The following PREX2 variants were observed in gnomAD, a reference collection of about 807,000 sequenced individuals.
PREX2 encodes phosphatidylinositol-3,4,5-trisphosphate dependent Rac exchange factor 2.
Under a neutral mutation model 203.2 loss-of-function variants are expected in PREX2, and 107 were observed. The observed-to-expected ratio is 0.53, with a 90% CI of 0.45 to 0.62. The LOEUF is 0.62. PREX2 is among the 20% of genes least tolerant of loss of function. The pLI is 0.00. For missense variants in PREX2, 1,777 were observed against 1,955.9 expected (o/e 0.91, Z 1.72); for synonymous variants, 672 against 663.6 (o/e 1.01, Z -0.19).
rs1438985274 is a variant in PREX2, at chr8:67,952,355, A to T, written c.-40A>T. ...GCAGCGGGCGCGCGGGTCAGCGCTC[A>T]GCACGGCGGGCAGCGCCGCGCTGCG... On this transcript the variant is annotated 5_prime_UTR_variant, in exon 1 of 40. Coordinates refer to ENST00000288368, the MANE Select transcript of PREX2 (RefSeq NM_024870.4). 6.8e-7 allele frequency: 1 copy of T among 1,469,926 alleles called. No individual in the cohort carries two copies. Among genetic ancestry groups the T allele is most frequent in the East Asian group, 2.9e-5 (1 of 34,398 alleles). The allele number at this position is 1,469,926 out of a possible 1,614,324, so 91.1% of individuals were successfully genotyped here. A position where few individuals can be genotyped will look rare whatever the true frequency, so the allele number is the denominator to read the frequency against.
intron 35 of PREX2, among the ~76,000 whole-genome samples, chr8:68,177,827 C>G (rs149482546): frequency 6.6e-6 from 1 of 152,010 alleles, no homozygotes; most frequent in East Asian, 2.0e-4. Flanking sequence ...GTTGTTCCCC[C>G]CACCCCCTTG....
intron 6 of PREX2, among the ~76,000 whole-genome samples, chr8:68,033,699 A>G (rs1474088338): frequency 6.6e-6 from 1 of 152,190 alleles, no homozygotes; most frequent in East Asian, 1.9e-4. Context: ...GAAGATCAAA[A>G]TCCAAGATTC....
chr8:68,079,865 A>T (rs2129611873), intron 15 of PREX2, among the ~76,000 whole-genome samples: 1 of 152,316 alleles, frequency 6.6e-6, no homozygotes, highest in South Asian at 2.1e-4. Flanking sequence ...TTATTTGAGA[A>T]TATTGCTTTT....
At chr8:68,223,637 C>A (rs1337934436) in intron 38 of PREX2, among the ~76,000 whole-genome samples, 1 of 152,086 alleles carries the variant, frequency 6.6e-6, no homozygotes, top group East Asian at 1.9e-4. Flanking sequence ...CTTTTCCAAA[C>A]CCCAAACTCT....
intron 1 of PREX2, among the ~76,000 whole-genome samples, chr8:67,983,218 A>G (rs1319530809): frequency 2.0e-5 from 3 of 147,334 alleles, no homozygotes; most frequent in Non-Finnish European, 3.0e-5. Flanking sequence ...TTTGTTTGGT[A>G]TCTGCATACT....
intron 1 of PREX2, among the ~76,000 whole-genome samples, chr8:67,982,878 C>G (rs1342754195): frequency 6.6e-6 from 1 of 152,166 alleles, no homozygotes; most frequent in Non-Finnish European, 1.5e-5. Context: ...TTTACTTGTT[C>G]AATTGTCTGA....
At chr8:67,984,254 C>T (rs537682150) in intron 1 of PREX2, among the ~76,000 whole-genome samples, 3 of 152,034 alleles carry the variant, frequency 2.0e-5, no homozygotes, top group Admixed American at 6.6e-5. Flanking sequence ...TATACACATC[C>T]GTGTCCCCTA....
intron 8 of PREX2, among the ~76,000 whole-genome samples, chr8:68,049,989 A>G (rs917250935): frequency 6.6e-6 from 1 of 152,076 alleles, no homozygotes; most frequent in Admixed American, 6.6e-5. Flanking sequence ...TGATGCTATT[A>G]TGAAGTATGT....
Position 68,112,358 on chromosome 8 carries a change from C to T in PREX2, c.3146+2735C>T, listed in dbSNP as rs1325052935. Among the ~76,000 whole-genome samples, 3 of 152,106 alleles carry T rather than the reference C, an allele frequency of 2.0e-5. No individual in the cohort carries two copies. In the East Asian group the frequency reaches 5.8e-4, roughly 29 times the overall value. On this transcript the variant is annotated intron_variant, in intron 25 of 39. Transcript: ENST00000288368. ...TAAATAGAGGATTTGTGTATTCTCACAGGGAGGAAAGGGGACTGGTAGACA... is the reference window on the plus strand; with the variant it reads ...TAAATAGAGGATTTGTGTATTCTCATAGGGAGGAAAGGGGACTGGTAGACA...
At chr8:68,144,754 T>C (rs1811293058) in intron 33 of PREX2, among the ~76,000 whole-genome samples, 1 of 152,174 alleles carries the variant, frequency 6.6e-6, no homozygotes, top group Non-Finnish European at 1.5e-5. Context: ...GAGGATCACT[T>C]GATCCCAGGA....
At chr8:68,117,776 G>C (rs1563553739) in intron 26 of PREX2, among the ~76,000 whole-genome samples, 1 of 152,098 alleles carries the variant, frequency 6.6e-6, no homozygotes, top group Admixed American at 6.5e-5. Flanking sequence ...ACTTCCCTGT[G>C]CTAAAAGCTC....
At chr8:68,165,357 G>A (rs1333240250) in intron 35 of PREX2, among the ~76,000 whole-genome samples, 1 of 152,130 alleles carries the variant, frequency 6.6e-6, no homozygotes, top group Admixed American at 6.5e-5. Flanking sequence ...GGCAACAAAG[G>A]TGTATTTTGG....
At chr8:68,042,721 A>G (rs895850862) in intron 7 of PREX2, among the ~76,000 whole-genome samples, 10 of 152,114 alleles carry the variant, frequency 6.6e-5, no homozygotes, top group African/African-American at 2.4e-4. Context: ...TTCAAACTAT[A>G]GGCTTTTCAG....
chr8:67,965,515 G>GTATA lies in PREX2; in HGVS notation c.141+12990_141+12993dup, dbSNP rs34032003. Among the ~76,000 whole-genome samples the GTATA allele has an allele frequency of 8.5e-3, 1,271 of 150,378 alleles. 14 individuals are homozygous for GTATA. The highest frequency in any genetic ancestry group is 0.029 in the African/African-American group (1,172 of 40,988). On this transcript the variant is annotated intron_variant, in intron 1 of 39. Transcript: ENST00000288368. ...TGTATATGTATATATATATGTGTGT[G>GTATA]TATATATATATATGTGTATATGTAT...
At position 68,099,839 on chromosome 8, in the gene PREX2, A is replaced by C; in HGVS notation, c.2711A>C (p.Lys904Thr). The C allele has an allele frequency of 6.2e-7, 1 of 1,607,986 alleles. No homozygotes were observed. Among genetic ancestry groups the C allele is most frequent in the Non-Finnish European group, 8.5e-7 (1 of 1,174,492 alleles). Residue 904 changes from lysine (K) to threonine (T), a missense_variant, in exon 23 of 40, where the codon AAA becomes ACA. Coordinates refer to ENST00000288368, the MANE Select transcript of PREX2 (RefSeq NM_024870.4). ...CTATGTCAGAGAATATCCAGTTATAAAAAGGTAAGTGTTCTATTGATTTTA... is the reference window on the plus strand; with the variant it reads ...CTATGTCAGAGAATATCCAGTTATACAAAGGTAAGTGTTCTATTGATTTTA... ...EHLCQRISSY[K>T]KFSRVLKNRA... is the part of the protein sequence containing the mutation.
chr8:68,094,178 C>T (rs945471357), intron 21 of PREX2, among the ~76,000 whole-genome samples: 1 of 152,170 alleles, frequency 6.6e-6, no homozygotes, highest in Non-Finnish European at 1.5e-5. Context: ...GAGAGCTAGA[C>T]TGAAATACAG....
At position 68,051,548 on chromosome 8, in the gene PREX2, C is replaced by A. The variant is rs547992462; in HGVS notation, c.944-1549C>A. Among the ~76,000 whole-genome samples, 8 of 152,130 alleles carry A rather than the reference C, an allele frequency of 5.3e-5. No homozygotes were observed. In the South Asian group the frequency reaches 1.7e-3, roughly 32 times the overall value. Reference sequence around the variant, plus strand: ...TTTGAGAATTTCTGAATTTTTTCCCCCAGTTTATTGTAATTTCTCAGTTGG... The same window carrying A: ...TTTGAGAATTTCTGAATTTTTTCCCACAGTTTATTGTAATTTCTCAGTTGG... On this transcript the variant is annotated intron_variant, in intron 8 of 39. Coordinates refer to ENST00000288368, the MANE Select transcript of PREX2 (RefSeq NM_024870.4).
At chr8:68,024,295 T>A (rs1394364341) in intron 4 of PREX2, among the ~76,000 whole-genome samples, 1 of 152,018 alleles carries the variant, frequency 6.6e-6, no homozygotes. Context: ...AATCTCCATG[T>A]ATAATTAAAT....
At chr8:68,198,383 A>G (rs966795975) in intron 37 of PREX2, among the ~76,000 whole-genome samples, 1 of 152,220 alleles carries the variant, frequency 6.6e-6, no homozygotes, top group Non-Finnish European at 1.5e-5. Flanking sequence ...TCTTTTTAAG[A>G]TATTGAGTCA....
Sources: allele counts gnomAD v4.1 joint callset (sites outside exome capture counted in the v4.1 genomes callset), GRCh38; gene constraint gnomAD v4.1.1; transcripts MANE v1.5; gene names NCBI Gene and HGNC (gene_info 2026-07-23, HGNC 2026-07-21).